The following ST6GALNAC3 variants were observed in gnomAD, a reference collection of about 807,000 sequenced individuals.
ST6GALNAC3 encodes the protein alpha-N-acetylgalactosaminide alpha-2,6-sialyltransferase 3.
A neutral mutation model predicts 32.7 loss-of-function variants in ST6GALNAC3; 25 were observed. The observed-to-expected ratio is 0.76, with a 90% confidence interval of 0.56 to 1.07. ST6GALNAC3 has a LOEUF of 1.07. ST6GALNAC3 is among the 50% of genes least tolerant of loss of function. The probability of loss-of-function intolerance (pLI) is 0.00; values close to 1 mark genes in which losing one functional copy is unlikely to be tolerated. For missense variants in ST6GALNAC3, 355 were observed against 382.4 expected (o/e 0.93, Z 0.60); for synonymous variants, 129 against 133.1 (o/e 0.97, Z 0.21).
At chr1:76,593,530 T>C (rs916103603) in intron 3 of ST6GALNAC3, among the ~76,000 whole-genome samples, 1 of 152,152 alleles carries the variant, frequency 6.6e-6, no homozygotes, top group African/African-American at 2.4e-5. Context: ...TTTGAGAAAT[T>C]GAATGTGGCA....
At chr1:76,145,068 G>A (rs72992685) in intron 1 of ST6GALNAC3, among the ~76,000 whole-genome samples, 2,889 of 152,250 alleles carry the variant, frequency 0.019, 112 homozygotes, top group African/African-American at 0.066. Context: ...GTCAACCCAG[G>A]CTTGTCTAAG....
At chr1:76,312,716 C>G (rs1294069267) in intron 1 of ST6GALNAC3, among the ~76,000 whole-genome samples, 1 of 152,120 alleles carries the variant, frequency 6.6e-6, no homozygotes, top group Non-Finnish European at 1.5e-5. Context: ...CTTTCCATCA[C>G]CTAGCAAACT....
At chr1:76,129,272 G>C (rs1358077566) in intron 1 of ST6GALNAC3, among the ~76,000 whole-genome samples, 2 of 152,162 alleles carry the variant, frequency 1.3e-5, no homozygotes, top group African/African-American at 4.8e-5. Context: ...GGGCGTCCCT[G>C]TCAGGCACTA....
chr1:76,541,588 G>A (rs954116594), intron 3 of ST6GALNAC3, among the ~76,000 whole-genome samples: 6 of 152,208 alleles, frequency 3.9e-5, no homozygotes, highest in African/African-American at 1.4e-4. Context: ...TGCTTTTTGT[G>A]ACAGACACTG....
intron 3 of ST6GALNAC3, among the ~76,000 whole-genome samples, chr1:76,434,851 C>T (rs1287353736): frequency 7.6e-6 from 1 of 132,238 alleles, no homozygotes; most frequent in Non-Finnish European, 1.5e-5. Flanking sequence ...AATGCAGTGG[C>T]AAGATCTTGG....
At chr1:76,261,390 G>T (rs952703236) in intron 1 of ST6GALNAC3, among the ~76,000 whole-genome samples, 5 of 152,150 alleles carry the variant, frequency 3.3e-5, no homozygotes, top group African/African-American at 1.2e-4. Flanking sequence ...CATTGTCTGG[G>T]TCTCTACCAC....
At chr1:76,388,352 A>G (rs974067735) in intron 2 of ST6GALNAC3, among the ~76,000 whole-genome samples, 1 of 152,168 alleles carries the variant, frequency 6.6e-6, no homozygotes, top group African/African-American at 2.4e-5. Context: ...ACGCCAATTC[A>G]TATCTCTTTG....
chr1:76,267,932 G>A (rs1658625893), intron 1 of ST6GALNAC3, among the ~76,000 whole-genome samples: 1 of 152,206 alleles, frequency 6.6e-6, no homozygotes, highest in African/African-American at 2.4e-5. Flanking sequence ...GAAGAGAAAA[G>A]GAAGTATATG....
intron 2 of ST6GALNAC3, among the ~76,000 whole-genome samples, chr1:76,360,877 C>A (rs1395029784): frequency 1.3e-5 from 2 of 152,082 alleles, no homozygotes; most frequent in Non-Finnish European, 2.9e-5. Context: ...AAAATTTAAA[C>A]CTTTCCTTTC....
chr1:76,347,947 A>G (rs1289163501), intron 2 of ST6GALNAC3, among the ~76,000 whole-genome samples: 1 of 152,142 alleles, frequency 6.6e-6, no homozygotes, highest in Non-Finnish European at 1.5e-5. Context: ...ATTGATCTTC[A>G]TTTTGGAACT....
chr1:76,468,692 C>T (rs891609270), intron 3 of ST6GALNAC3, among the ~76,000 whole-genome samples: 3 of 151,970 alleles, frequency 2.0e-5, no homozygotes, highest in African/African-American at 7.2e-5. Context: ...ATCTACACTC[C>T]CATTATCTCA....
intron 3 of ST6GALNAC3, among the ~76,000 whole-genome samples, chr1:76,618,873 G>A (rs1443780905): frequency 6.6e-6 from 1 of 152,176 alleles, no homozygotes; most frequent in Non-Finnish European, 1.5e-5. Context: ...CAAATTCAAT[G>A]AGGCAGAAAA....
intron 3 of ST6GALNAC3, among the ~76,000 whole-genome samples, chr1:76,613,113 T>C (rs1277338374): frequency 1.3e-5 from 2 of 152,216 alleles, no homozygotes; most frequent in Non-Finnish European, 2.9e-5. Context: ...GTGTGCTTTA[T>C]AACTGCAGGA....
At chr1:76,476,375 T>A (rs1429046801) in intron 3 of ST6GALNAC3, among the ~76,000 whole-genome samples, 1 of 152,198 alleles carries the variant, frequency 6.6e-6, no homozygotes, top group Non-Finnish European at 1.5e-5. Context: ...TTGGTGGGAT[T>A]TGCCTCATAG....
intron 1 of ST6GALNAC3, among the ~76,000 whole-genome samples, chr1:76,170,489 A>G (rs556238313): frequency 4.9e-4 from 75 of 152,266 alleles, no homozygotes; most frequent in African/African-American, 1.6e-3. Flanking sequence ...TAAAAAAGAA[A>G]TTGTTTCAAA....
chr1:76,309,021 A>G (rs113914819), intron 1 of ST6GALNAC3, among the ~76,000 whole-genome samples: 2,245 of 152,264 alleles, frequency 0.015, 45 homozygotes, highest in African/African-American at 0.052. Flanking sequence ...TCTGCCTGGA[A>G]TGCCCTTCAC....
At chr1:76,484,611 G>A (rs1659971566) in intron 3 of ST6GALNAC3, among the ~76,000 whole-genome samples, 1 of 152,174 alleles carries the variant, frequency 6.6e-6, no homozygotes, top group Non-Finnish European at 1.5e-5. Context: ...ATCAGCTTAA[G>A]GAGATTTTGG....
At chr1:76,281,191 G>T (rs935390137) in intron 1 of ST6GALNAC3, among the ~76,000 whole-genome samples, 2 of 152,098 alleles carry the variant, frequency 1.3e-5, no homozygotes, top group African/African-American at 4.8e-5. Context: ...TTTAACTGAA[G>T]ATATTATTGC....
chr1:76,137,909 T>TA, intron 1 of ST6GALNAC3, among the ~76,000 whole-genome samples: 1 of 152,372 alleles, frequency 6.6e-6, no homozygotes, highest in South Asian at 2.1e-4. Flanking sequence ...CACTCCTTGT[T>TA]AAACCACTGG....
Sources: gnomAD v4.1 joint callset for allele counts (sites outside exome capture counted in the v4.1 genomes callset) on GRCh38, gnomAD v4.1.1 for gene constraint, MANE v1.5 for transcripts, NCBI Gene and HGNC (gene_info 2026-07-23, HGNC 2026-07-21) for gene names.